FIRRM: variants seen among roughly 807,000 people sequenced by gnomAD.
The protein encoded by FIRRM is FIGNL1-interacting regulator of recombination and mitosis.
At chr1:169,835,720 C>G in the FIRRM span, among the ~76,000 whole-genome samples, 44 of 152,036 alleles carry the variant, frequency 2.9e-4, no homozygotes, top group African/African-American at 1.1e-3. Flanking sequence ...TTTATGTTGT[C>G]CAGGACATTA....
chr1:169,799,055 T>A, the FIRRM span: 3 of 456,036 alleles, frequency 6.6e-6, 1 homozygote, highest in South Asian at 1.4e-4. Flanking sequence ...TTGTATTCCC[T>A]TGAAATGTAA....
chr1:169,850,253 A>AT, the FIRRM span: 1 of 1,590,352 alleles, frequency 6.3e-7, no homozygotes, highest in Non-Finnish European at 8.6e-7. Context: ...TTGTTCATCA[A>AT]TTTTTTAATA....
At chr1:169,850,957 T>A in the FIRRM span, 1 of 140,478 alleles carries the variant, frequency 7.1e-6, no homozygotes, top group African/African-American at 2.6e-5. Flanking sequence ...TACTACCATA[T>A]TTTGGGTATA....
chr1:169,796,975 T>C, the FIRRM span, among the ~76,000 whole-genome samples: 1 of 152,238 alleles, frequency 6.6e-6, no homozygotes, highest in Middle Eastern at 3.2e-3. Context: ...TTGTATCACA[T>C]TGGCCTGTTC....
At chr1:169,804,283 A>G in the FIRRM span, 33 of 1,256,086 alleles carry the variant, frequency 2.6e-5, no homozygotes, top group Non-Finnish European at 3.3e-5. Context: ...GTGACTATAA[A>G]TCATGTATCA....
chr1:169,803,275 T>C, the FIRRM span: 5 of 1,613,820 alleles, frequency 3.1e-6, no homozygotes, highest in Non-Finnish European at 4.2e-6. Flanking sequence ...TCCTCAGTCC[T>C]TCATATAATT....
chr1:169,815,194 G>A, the FIRRM span, among the ~76,000 whole-genome samples: 1 of 151,568 alleles, frequency 6.6e-6, no homozygotes, highest in South Asian at 2.1e-4. Context: ...TACTCCGGAG[G>A]CTGAGGCAGG....
At chr1:169,843,101 C>G in the FIRRM span, among the ~76,000 whole-genome samples, 1 of 152,168 alleles carries the variant, frequency 6.6e-6, no homozygotes, top group Non-Finnish European at 1.5e-5. Context: ...TGGCCTCTGG[C>G]AGCTAGAGGA....
the FIRRM span, among the ~76,000 whole-genome samples, chr1:169,820,724 G>T: frequency 6.6e-6 from 1 of 152,122 alleles, no homozygotes; most frequent in Non-Finnish European, 1.5e-5. Flanking sequence ...ACTACTTAAC[G>T]AAAGTTGACT....
the FIRRM span, among the ~76,000 whole-genome samples, chr1:169,843,950 C>T: frequency 1.3e-5 from 2 of 152,094 alleles, no homozygotes; most frequent in East Asian, 1.9e-4. Flanking sequence ...TAATATATGG[C>T]GCTGTTAATT....
the FIRRM span, among the ~76,000 whole-genome samples, chr1:169,825,109 C>T: frequency 2.0e-5 from 3 of 152,212 alleles, no homozygotes; most frequent in African/African-American, 4.8e-5. Context: ...CGTACACGCA[C>T]TTCTCATCAC....
At chr1:169,823,697 A>G in the FIRRM span, among the ~76,000 whole-genome samples, 1 of 152,304 alleles carries the variant, frequency 6.6e-6, no homozygotes, top group Non-Finnish European at 1.5e-5. Flanking sequence ...AGGAGTAATA[A>G]TTAGTAGGTG....
the FIRRM span, chr1:169,847,588 T>G: frequency 1.2e-6 from 1 of 807,004 alleles, no homozygotes; most frequent in Non-Finnish European, 2.0e-6. Context: ...GGTTTGGTTT[T>G]GTTTCCCCTC....
chr1:169,839,537 T>C, the FIRRM span, among the ~76,000 whole-genome samples: 1 of 152,282 alleles, frequency 6.6e-6, no homozygotes, highest in African/African-American at 2.4e-5. Context: ...TGGCCTCTTG[T>C]GTGTCTTGTT....
At chr1:169,815,455 T>C in the FIRRM span, among the ~76,000 whole-genome samples, 1 of 152,296 alleles carries the variant, frequency 6.6e-6, no homozygotes, top group East Asian at 1.9e-4. Context: ...TTCCCAGAAC[T>C]AAGGGTTTCT....
chr1:169,793,489 T>G, the FIRRM span: 2 of 1,614,046 alleles, frequency 1.2e-6, no homozygotes, highest in African/African-American at 2.7e-5. Context: ...GAGAGGGAGC[T>G]GCATTTTCCA....
At chr1:169,817,747 G>A in the FIRRM span, among the ~76,000 whole-genome samples, 1 of 152,070 alleles carries the variant, frequency 6.6e-6, no homozygotes, top group Non-Finnish European at 1.5e-5. Flanking sequence ...ATTTTAATCA[G>A]TATAAAATTT....
the FIRRM span, among the ~76,000 whole-genome samples, chr1:169,785,555 C>A: frequency 1.3e-5 from 2 of 152,048 alleles, no homozygotes; most frequent in African/African-American, 2.4e-5. Flanking sequence ...GTCCAGCAGC[C>A]GATCTCCTCT....
the FIRRM span, chr1:169,827,750 T>A: frequency 1.2e-6 from 2 of 1,614,160 alleles, no homozygotes; most frequent in Non-Finnish European, 1.7e-6. Flanking sequence ...TGTCTTCTTC[T>A]GGTTGTTGTC....
Sources: gnomAD v4.1 joint callset for allele counts (sites outside exome capture counted in the v4.1 genomes callset) on GRCh38, gnomAD v4.1.1 for gene constraint, MANE v1.5 for transcripts, NCBI Gene and HGNC (gene_info 2026-07-23, HGNC 2026-07-21) for gene names.